The following GRM8 variants were observed in gnomAD, a reference collection of about 807,000 sequenced individuals.
GRM8 encodes the protein glutamate metabotropic receptor 8, also known as metabotropic glutamate receptor 8.
GRM8 carries 47 observed loss-of-function variants against 87.2 expected under a neutral mutation model. The observed-to-expected ratio is 0.54, with a 90% CI of 0.43 to 0.69. The LOEUF (loss-of-function observed/expected upper bound fraction) is 0.69. Ranked by LOEUF, GRM8 falls within the 30% of genes least tolerant of loss-of-function variation. The pLI is 0.00. For synonymous variants in GRM8, 396 were observed against 404.5 expected (o/e 0.98, Z 0.25); for missense variants, 1,019 against 1,139.2 (o/e 0.89, Z 1.52).
chr7:126,780,134 A>G (rs375849479), intron 6 of GRM8, among the ~76,000 whole-genome samples: 2 of 152,216 alleles, frequency 1.3e-5, no homozygotes, highest in African/African-American at 4.8e-5. Context: ...GTATATATTC[A>G]TATATTCAAT....
intron 2 of GRM8, among the ~76,000 whole-genome samples, chr7:127,160,137 G>C (rs1426740269): frequency 6.6e-6 from 1 of 151,440 alleles, no homozygotes; most frequent in Non-Finnish European, 1.5e-5. Context: ...CCACATAAAA[G>C]GAGAGGTAGC....
chr7:126,472,631 C>G (rs1181547210), intron 9 of GRM8, among the ~76,000 whole-genome samples: 1 of 152,148 alleles, frequency 6.6e-6, no homozygotes. Flanking sequence ...AAATTCAAGC[C>G]AGCTGCAGAA....
Position 127,243,848 on chromosome 7 carries a change from GT to G in GRM8, c.-311-334del, listed in dbSNP as rs5887332. Among the ~76,000 whole-genome samples, 1,083 of 140,928 alleles carry G rather than the reference GT, an allele frequency of 7.7e-3. 14 individuals are homozygous for G. Among genetic ancestry groups the G allele is most frequent in the East Asian group, 0.041 (197 of 4,756 alleles). 92.5% of individuals were successfully genotyped at this position (140,928 alleles called of 152,430 possible). A position where few individuals can be genotyped will look rare whatever the true frequency, so the allele number is the denominator to read the frequency against. On this transcript the variant is annotated intron_variant, in intron 1 of 10. Transcript: ENST00000339582. ...GATGGCACCATTTCTTTTCAAATCT[GT>G]TTTTTTTTTTTGCAGCTATCTGAAT...
intron 8 of GRM8, among the ~76,000 whole-genome samples, chr7:126,599,166 C>T (rs1012115386): frequency 3.3e-5 from 5 of 152,110 alleles, no homozygotes; most frequent in African/African-American, 4.8e-5. Context: ...GAATAAAAGC[C>T]AGTGGTAATA....
intron 3 of GRM8, among the ~76,000 whole-genome samples, chr7:127,036,962 T>A (rs1430910777): frequency 6.6e-6 from 1 of 152,128 alleles, no homozygotes; most frequent in Non-Finnish European, 1.5e-5. Context: ...CATTTACCTT[T>A]CCTTTTAATT....
intron 3 of GRM8, among the ~76,000 whole-genome samples, chr7:127,002,642 C>T (rs1010558033): frequency 6.6e-6 from 1 of 151,596 alleles, no homozygotes; most frequent in Admixed American, 6.6e-5. Flanking sequence ...ATTTTTGTTA[C>T]TGCCATTGCC....
chr7:127,235,594 A>G (rs2116836762), intron 2 of GRM8, among the ~76,000 whole-genome samples: 1 of 152,362 alleles, frequency 6.6e-6, no homozygotes, highest in Middle Eastern at 3.4e-3. Context: ...TTTGTAAAAT[A>G]AAGTATGGTC....
intron 7 of GRM8, among the ~76,000 whole-genome samples, chr7:126,642,972 A>G (rs1376373372): frequency 6.6e-6 from 1 of 152,086 alleles, no homozygotes; most frequent in African/African-American, 2.4e-5. Context: ...TGCTTAATAA[A>G]TGTTAACTAT....
chr7:127,135,337 T>A (rs903374713), intron 2 of GRM8, among the ~76,000 whole-genome samples: 4 of 152,108 alleles, frequency 2.6e-5, no homozygotes, highest in Non-Finnish European at 4.4e-5. Flanking sequence ...AAAGCAGGTG[T>A]ACAGAAATCT....
At chr7:127,022,498 A>G (rs1245440989) in intron 3 of GRM8, among the ~76,000 whole-genome samples, 1 of 151,908 alleles carries the variant, frequency 6.6e-6, no homozygotes, top group African/African-American at 2.4e-5. Flanking sequence ...ACAGGGGAAG[A>G]GAGATGGAGA....
chr7:126,447,891 A>T (rs187595338), intron 9 of GRM8, among the ~76,000 whole-genome samples: 1 of 152,066 alleles, frequency 6.6e-6, no homozygotes, highest in Non-Finnish European at 1.5e-5. Flanking sequence ...AAGTGTGGAA[A>T]ATGCTTTAAC....
intron 9 of GRM8, among the ~76,000 whole-genome samples, chr7:126,492,162 T>C (rs1808090598): frequency 6.6e-6 from 1 of 152,060 alleles, no homozygotes; most frequent in South Asian, 2.1e-4. Flanking sequence ...ATGATCCTCC[T>C]GCTTTAGCCT....
intron 6 of GRM8, among the ~76,000 whole-genome samples, chr7:126,878,277 C>G (rs1471516732): frequency 6.6e-6 from 1 of 152,128 alleles, no homozygotes; most frequent in East Asian, 1.9e-4. Flanking sequence ...TATGATTTCC[C>G]CAACATCTCT....
chr7:126,893,447 T>C (rs1035111099), intron 6 of GRM8, among the ~76,000 whole-genome samples: 1 of 152,028 alleles, frequency 6.6e-6, no homozygotes, highest in Non-Finnish European at 1.5e-5. Flanking sequence ...GTTGAGCTTT[T>C]CCTTTTATTA....
intron 7 of GRM8, among the ~76,000 whole-genome samples, chr7:126,641,762 C>T (rs180887831): frequency 3.6e-3 from 549 of 152,244 alleles, no homozygotes; most frequent in Middle Eastern, 0.01. Context: ...CATGATCTTG[C>T]AGCAGAGACT....
intron 3 of GRM8, among the ~76,000 whole-genome samples, chr7:126,950,895 C>T (rs1359584296): frequency 1.3e-5 from 2 of 151,352 alleles, no homozygotes; most frequent in Non-Finnish European, 2.9e-5. Context: ...AATGCAGCAG[C>T]TACATGTAGC....
intron 2 of GRM8, among the ~76,000 whole-genome samples, chr7:127,213,979 A>G (rs911178412): frequency 6.6e-6 from 1 of 152,226 alleles, no homozygotes; most frequent in African/African-American, 2.4e-5. Flanking sequence ...AGAATGTGGC[A>G]TATTCACACA....
At chr7:126,571,348 G>A (rs1460660302) in intron 8 of GRM8, among the ~76,000 whole-genome samples, 1 of 152,084 alleles carries the variant, frequency 6.6e-6, no homozygotes, top group Non-Finnish European at 1.5e-5. Flanking sequence ...CACAGAGATA[G>A]GAAGTAATTT....
At chr7:127,155,352 T>C (rs1160516986) in intron 2 of GRM8, among the ~76,000 whole-genome samples, 3 of 152,176 alleles carry the variant, frequency 2.0e-5, no homozygotes, top group Admixed American at 1.3e-4. Flanking sequence ...TTTGGAGAAA[T>C]TTATTTTCTT....
Sources: allele counts gnomAD v4.1 joint callset (sites outside exome capture counted in the v4.1 genomes callset), GRCh38; gene constraint gnomAD v4.1.1; transcripts MANE v1.5; gene names NCBI Gene and HGNC (gene_info 2026-07-23, HGNC 2026-07-21).